The following RPSA2 variants were observed in gnomAD, a reference collection of about 807,000 sequenced individuals.
The protein encoded by RPSA2 is small ribosomal subunit protein uS2B.
At chr19:23,843,238 G>T in the RPSA2 span, 3 of 261,738 alleles carry the variant, frequency 1.1e-5, no homozygotes, top group Non-Finnish European at 2.4e-5. Flanking sequence ...AAGAACCCTG[G>T]TATGTAAAGA....
the RPSA2 span, among the ~76,000 whole-genome samples, chr19:23,854,284 C>T: frequency 6.6e-6 from 1 of 152,126 alleles, no homozygotes; most frequent in Admixed American, 6.5e-5. Flanking sequence ...GGCCAGTGAC[C>T]CCCGTGGGGA....
chr19:23,765,174 G>C, the RPSA2 span, among the ~76,000 whole-genome samples: 1 of 152,182 alleles, frequency 6.6e-6, no homozygotes, highest in Non-Finnish European at 1.5e-5. Context: ...ACAAAGGAAT[G>C]CTTCTACACT....
chr19:23,834,046 T>C, the RPSA2 span, among the ~76,000 whole-genome samples: 1 of 152,110 alleles, frequency 6.6e-6, no homozygotes. Flanking sequence ...ATGAAAGATA[T>C]TTAATCCAAA....
At chr19:23,851,304 C>G in the RPSA2 span, among the ~76,000 whole-genome samples, 1 of 152,166 alleles carries the variant, frequency 6.6e-6, no homozygotes, top group East Asian at 1.9e-4. Context: ...AGCTTAGCCT[C>G]TTTCCAGGTG....
At chr19:23,842,756 C>T in the RPSA2 span, 1 of 152,108 alleles carries the variant, frequency 6.6e-6, no homozygotes, top group Non-Finnish European at 1.5e-5. Flanking sequence ...AGTTTTTGCT[C>T]CACATAAATT....
chr19:23,836,367 A>G, the RPSA2 span, among the ~76,000 whole-genome samples: 4 of 151,846 alleles, frequency 2.6e-5, no homozygotes, highest in African/African-American at 9.7e-5. Flanking sequence ...ACACACACAC[A>G]CACAGACACA....
At chr19:23,860,492 T>C in the RPSA2 span, among the ~76,000 whole-genome samples, 1 of 152,204 alleles carries the variant, frequency 6.6e-6, no homozygotes, top group African/African-American at 2.4e-5. Context: ...TTCTTGCTGA[T>C]TGTAAGGCAC....
the RPSA2 span, among the ~76,000 whole-genome samples, chr19:23,806,308 G>T: frequency 6.6e-6 from 1 of 151,856 alleles, no homozygotes; most frequent in Admixed American, 6.6e-5. Flanking sequence ...CTCCCAAAGT[G>T]CTGGGATTAT....
the RPSA2 span, among the ~76,000 whole-genome samples, chr19:23,844,961 G>A: frequency 6.8e-6 from 1 of 147,962 alleles, no homozygotes; most frequent in East Asian, 2.1e-4. Context: ...GGTTTGTTCA[G>A]GTACTCAGTT....
chr19:23,866,097 C>A, the RPSA2 span, among the ~76,000 whole-genome samples: 1 of 152,186 alleles, frequency 6.6e-6, no homozygotes, highest in Non-Finnish European at 1.5e-5. Flanking sequence ...CTTTTCAGAT[C>A]TGGTACAACA....
the RPSA2 span, among the ~76,000 whole-genome samples, chr19:23,830,033 A>G: frequency 1.5e-5 from 2 of 134,904 alleles, no homozygotes; most frequent in African/African-American, 5.6e-5. Flanking sequence ...CTTTTTTAGA[A>G]TTTCATTACT....
chr19:23,857,471 A>G, the RPSA2 span, among the ~76,000 whole-genome samples: 1 of 147,440 alleles, frequency 6.8e-6, no homozygotes. Context: ...TATATTTTGA[A>G]GTCTTTTTAA....
chr19:23,867,162 T>A, the RPSA2 span, among the ~76,000 whole-genome samples: 1 of 152,184 alleles, frequency 6.6e-6, no homozygotes, highest in Admixed American at 6.5e-5. Flanking sequence ...AAAAAAAATG[T>A]ATGGGCTTAT....
the RPSA2 span, among the ~76,000 whole-genome samples, chr19:23,844,309 G>T: frequency 1.3e-5 from 2 of 152,008 alleles, no homozygotes; most frequent in African/African-American, 2.4e-5. Context: ...AACTTTTCTT[G>T]TATGTATGGT....
the RPSA2 span, chr19:23,832,121 C>G: frequency 2.3e-6 from 1 of 429,940 alleles, no homozygotes; most frequent in African/African-American, 2.1e-5. Flanking sequence ...ATAATTTGTG[C>G]TGAAGAAAAA....
the RPSA2 span, among the ~76,000 whole-genome samples, chr19:23,849,349 G>GA: frequency 8.5e-5 from 4 of 46,954 alleles, no homozygotes; most frequent in African/African-American, 2.8e-4. Flanking sequence ...GGCATACCTG[G>GA]ATTGAGAAGA....
At chr19:23,835,696 G>A in the RPSA2 span, among the ~76,000 whole-genome samples, 1 of 151,984 alleles carries the variant, frequency 6.6e-6, no homozygotes, top group South Asian at 2.1e-4. Flanking sequence ...GAGTGCAATG[G>A]TGAGATCTTG....
the RPSA2 span, among the ~76,000 whole-genome samples, chr19:23,861,176 A>G: frequency 4.6e-5 from 7 of 152,340 alleles, no homozygotes; most frequent in African/African-American, 1.4e-4. Flanking sequence ...GCAAATTCTG[A>G]GGCAAAACCT....
the RPSA2 span, among the ~76,000 whole-genome samples, chr19:23,772,376 G>A: frequency 2.6e-5 from 4 of 152,114 alleles, no homozygotes; most frequent in African/African-American, 9.7e-5. Flanking sequence ...GATATCCTTG[G>A]CTGAAATCCC....
Sources: allele counts gnomAD v4.1 joint callset (sites outside exome capture counted in the v4.1 genomes callset), GRCh38; gene constraint gnomAD v4.1.1; transcripts MANE v1.5; gene names NCBI Gene and HGNC (gene_info 2026-07-23, HGNC 2026-07-21).